The following SNX30 variants were observed in gnomAD, a reference collection of about 807,000 sequenced individuals.
SNX30 encodes the protein sorting nexin family member 30.
In SNX30, 24 loss-of-function variants were observed where a neutral mutation model predicts 46.4. The ratio of observed to expected loss-of-function variants is 0.52; its 90% confidence interval spans 0.37 to 0.73. SNX30 has a LOEUF of 0.73. SNX30 is among the 30% of genes least tolerant of loss of function. The pLI is 0.00. For synonymous variants in SNX30, 189 were observed against 211.5 expected, an observed-to-expected ratio of 0.89 and a Z score of 0.92; for missense variants, 533 against 555.7, an observed-to-expected ratio of 0.96 and a Z score of 0.41.
At chr9:112,832,495 T>TGAGAGAGAGAGA (rs142505240) in intron 4 of SNX30, among the ~76,000 whole-genome samples, 4 of 135,472 alleles carry the variant, frequency 3.0e-5, no homozygotes, top group South Asian at 2.3e-4. Flanking sequence ...TGTGTGTGTG[T>TGAGAGAGAGAGA]GAGAGAGAGA....
rs1194809931 is a variant in SNX30, at chr9:112,829,125, A to G, written c.460-1600A>G. Among the ~76,000 whole-genome samples the G allele has an allele frequency of 5.3e-5, 8 of 152,338 alleles. No individual in the cohort carries two copies. The South Asian group carries it at 1.7e-3, about 32-fold the overall frequency. On this transcript the variant is annotated intron_variant, in intron 3 of 8. Transcript: ENST00000374232. Reference sequence around the variant, plus strand: ...CAAACTATTAGTCCATTGCATGGATATGCCGCATTTTGTTTGCCCATTCAC... The same window carrying G: ...CAAACTATTAGTCCATTGCATGGATGTGCCGCATTTTGTTTGCCCATTCAC...
intron 2 of SNX30, among the ~76,000 whole-genome samples, chr9:112,813,531 C>T (rs567846148): frequency 2.7e-5 from 4 of 148,058 alleles, no homozygotes; most frequent in South Asian, 4.3e-4. Context: ...TGCAGTGGCG[C>T]GATCTTGGCT....
intron 1 of SNX30, among the ~76,000 whole-genome samples, chr9:112,778,558 C>T (rs1379382668): frequency 1.3e-5 from 2 of 152,208 alleles, no homozygotes; most frequent in Admixed American, 6.5e-5. Context: ...AGGCGTGAGC[C>T]ACTGCGCCCG....
At chr9:112,784,111 T>C (rs963852712) in intron 1 of SNX30, among the ~76,000 whole-genome samples, 1 of 152,142 alleles carries the variant, frequency 6.6e-6, no homozygotes, top group Non-Finnish European at 1.5e-5. Context: ...GACTGTTTTT[T>C]TCCACCTAGG....
At chr9:112,757,738 G>A (rs1839373181) in intron 1 of SNX30, among the ~76,000 whole-genome samples, 1 of 151,966 alleles carries the variant, frequency 6.6e-6, no homozygotes, top group South Asian at 2.1e-4. Flanking sequence ...GTGACCTCTT[G>A]GATTCCCCTA....
chr9:112,805,913 A>G (rs115877648), intron 2 of SNX30, among the ~76,000 whole-genome samples: 4 of 152,386 alleles, frequency 2.6e-5, no homozygotes, highest in African/African-American at 9.6e-5. Context: ...TATACAGCCT[A>G]TATTTTAATT....
chr9:112,777,600 A>ATTTTTTTTTT (rs55784760), intron 1 of SNX30, among the ~76,000 whole-genome samples: 1 of 75,598 alleles, frequency 1.3e-5, no homozygotes, highest in African/African-American at 5.5e-5. Context: ...CTAGTTTTTA[A>ATTTTTTTTTT]TTTTTTTTTT....
At chr9:112,868,694 G>C in intron 8 of SNX30, 90 bp from the exon 9 acceptor site, 1 of 1,385,412 alleles carries the variant, frequency 7.2e-7, no homozygotes, top group Non-Finnish European at 1.0e-6. Flanking sequence ...CAGCAGGATC[G>C]ACAACGAAAG....
chr9:112,823,333 T>G (rs541159864), intron 3 of SNX30, among the ~76,000 whole-genome samples: 1 of 152,220 alleles, frequency 6.6e-6, no homozygotes, highest in Non-Finnish European at 1.5e-5. Flanking sequence ...ACAGCAGATA[T>G]CTGGAACAAC....
chr9:112,831,010 C>A, intron 4 of SNX30, 127 bp downstream of exon 4: 2 of 945,510 alleles, frequency 2.1e-6, no homozygotes, highest in Non-Finnish European at 3.0e-6. Flanking sequence ...TGATGTTGTG[C>A]GCCTGTAGTC....
At chr9:112,830,674 C>G in intron 3 of SNX30, 51 bp from the exon 4 acceptor site, 1 of 1,562,204 alleles carries the variant, frequency 6.4e-7, no homozygotes, top group Non-Finnish European at 8.7e-7. Flanking sequence ...GGTTGTTTTT[C>G]CTTGCACCAT....
At chr9:112,807,052 CTTTTTTTTTTTTTTT>C (rs10554051) in intron 2 of SNX30, among the ~76,000 whole-genome samples, 2 of 63,030 alleles carry the variant, frequency 3.2e-5, no homozygotes, top group East Asian at 1.2e-3. Flanking sequence ...TCTTTTCTAT[CTTTTTTTTTTTTTTT>C]TTTTTTTTTT....
intron 1 of SNX30, among the ~76,000 whole-genome samples, chr9:112,781,638 CT>C (rs551111826): frequency 6.6e-4 from 97 of 147,222 alleles, no homozygotes; most frequent in Non-Finnish European, 1.1e-3. Flanking sequence ...TTTATTAAAA[CT>C]TTTTTTTTTT....
At chr9:112,883,815 A>T (rs1841612821), downstream of SNX30, among the ~76,000 whole-genome samples, 1 of 150,898 alleles carries the variant, frequency 6.6e-6, no homozygotes, top group African/African-American at 2.4e-5. Context: ...CTCCTGCCTC[A>T]GCCTCCCGAA....
intron 6 of SNX30, among the ~76,000 whole-genome samples, chr9:112,840,754 C>T (rs532561193): frequency 1.4e-4 from 21 of 151,204 alleles, no homozygotes; most frequent in African/African-American, 4.6e-4. Context: ...GCTGGGATTA[C>T]AGGTGTGAGC....
At chr9:112,865,650 T>TA (rs1398049538) in intron 8 of SNX30, among the ~76,000 whole-genome samples, 15 of 130,930 alleles carry the variant, frequency 1.1e-4, no homozygotes, top group Non-Finnish European at 2.2e-4. Flanking sequence ...TATATATATA[T>TA]ATATATATAT....
At chr9:112,838,256 A>T (rs1476460923) in intron 5 of SNX30, among the ~76,000 whole-genome samples, 2 of 152,146 alleles carry the variant, frequency 1.3e-5, no homozygotes, top group Non-Finnish European at 2.9e-5. Flanking sequence ...AAGGCCCATT[A>T]TCCAGAGGGA....
downstream of SNX30, chr9:112,879,154 AGG>A (rs931268587): frequency 6.6e-6 from 1 of 152,250 alleles, no homozygotes; most frequent in Non-Finnish European, 1.5e-5. Flanking sequence ...CCAGAAGACA[AGG>A]GCCTGAGCTC....
chr9:112,837,619 G>A (rs1414703074), intron 5 of SNX30, among the ~76,000 whole-genome samples: 1 of 151,796 alleles, frequency 6.6e-6, no homozygotes, highest in African/African-American at 2.4e-5. Context: ...GGGACTACAG[G>A]TGCCCGCCAC....
Sources: allele counts gnomAD v4.1 joint callset (sites outside exome capture counted in the v4.1 genomes callset), GRCh38; gene constraint gnomAD v4.1.1; transcripts MANE v1.5; gene names NCBI Gene and HGNC (gene_info 2026-07-23, HGNC 2026-07-21).